The following LRRTM4 variants were observed in gnomAD, a reference collection of about 807,000 sequenced individuals.
LRRTM4 encodes leucine rich repeat transmembrane neuronal 4, also known as leucine-rich repeat transmembrane neuronal protein 4.
In LRRTM4, 25 loss-of-function variants were observed where a neutral mutation model predicts 47.6. The observed-to-expected ratio is 0.53, with a 90% CI of 0.38 to 0.73. The LOEUF (loss-of-function observed/expected upper bound fraction) is 0.73, where lower values mean the gene tolerates loss of function less well. Among genes scored for constraint, LRRTM4 ranks in the 30% least tolerant of loss-of-function variants. The pLI is 0.00. For missense variants in LRRTM4, 638 were observed against 713.4 expected (o/e 0.89, Z 1.20); for synonymous variants, 311 against 269.5 (o/e 1.15, Z -1.51).
At chr2:77,027,595 A>G (rs1678498751) in intron 3 of LRRTM4, among the ~76,000 whole-genome samples, 1 of 152,192 alleles carries the variant, frequency 6.6e-6, no homozygotes, top group Non-Finnish European at 1.5e-5. Flanking sequence ...CAATCCTACC[A>G]GTGTACTATC....
chr2:76,822,968 T>C (rs1397933545), intron 3 of LRRTM4, among the ~76,000 whole-genome samples: 1 of 151,394 alleles, frequency 6.6e-6, no homozygotes, highest in Non-Finnish European at 1.5e-5. Flanking sequence ...ACAAAACCTT[T>C]CTAAAATGTT....
At chr2:77,425,433 T>A (rs1558737589) in intron 3 of LRRTM4, among the ~76,000 whole-genome samples, 1 of 152,206 alleles carries the variant, frequency 6.6e-6, no homozygotes, top group Non-Finnish European at 1.5e-5. Flanking sequence ...TTAGCCTGGA[T>A]CTATATTTAC....
intron 3 of LRRTM4, among the ~76,000 whole-genome samples, chr2:77,310,641 A>G (rs572771529): frequency 2.6e-5 from 4 of 152,260 alleles, no homozygotes; most frequent in African/African-American, 7.2e-5. Context: ...TGCTCCTTCA[A>G]TCGAACATGA....
At chr2:77,461,145 G>C (rs1382049153) in intron 3 of LRRTM4, among the ~76,000 whole-genome samples, 3 of 150,202 alleles carry the variant, frequency 2.0e-5, no homozygotes, top group East Asian at 2.0e-4. Context: ...CAGTGAGAGA[G>C]AGAGAGAGAG....
chr2:76,789,292 A>T (rs1007451309), intron 3 of LRRTM4, among the ~76,000 whole-genome samples: 1 of 152,292 alleles, frequency 6.6e-6, no homozygotes, highest in East Asian at 1.9e-4. Flanking sequence ...AAAATGGCCA[A>T]GTAGGTGATA....
At chr2:77,423,259 A>ATT (rs1016334476) in intron 3 of LRRTM4, among the ~76,000 whole-genome samples, 1 of 151,222 alleles carries the variant, frequency 6.6e-6, no homozygotes, top group African/African-American at 2.4e-5. Context: ...TTTGCATGTA[A>ATT]TTTTTTTTTA....
intron 3 of LRRTM4, among the ~76,000 whole-genome samples, chr2:77,110,944 T>C (rs1292542337): frequency 1.3e-5 from 2 of 152,248 alleles, no homozygotes; most frequent in Non-Finnish European, 2.9e-5. Context: ...TTTGCTTTTG[T>C]ACTTAGAATA....
chr2:77,002,089 G>A (rs926494122), intron 3 of LRRTM4, among the ~76,000 whole-genome samples: 2 of 152,228 alleles, frequency 1.3e-5, no homozygotes, highest in South Asian at 2.1e-4. Context: ...ACATCATGAT[G>A]ACTTTGCAAA....
chr2:77,000,468 G>C (rs1483329290), intron 3 of LRRTM4, among the ~76,000 whole-genome samples: 2 of 152,160 alleles, frequency 1.3e-5, no homozygotes, highest in Non-Finnish European at 2.9e-5. Flanking sequence ...CTTGTCAGTT[G>C]TATCTACAAC....
At chr2:77,178,788 C>A (rs1290145911) in intron 3 of LRRTM4, among the ~76,000 whole-genome samples, 6 of 152,042 alleles carry the variant, frequency 3.9e-5, no homozygotes, top group African/African-American at 9.7e-5. Context: ...ACAGCAAGGT[C>A]TTAGTTATTT....
intron 3 of LRRTM4, among the ~76,000 whole-genome samples, chr2:76,915,055 T>C (rs1674197374): frequency 6.6e-6 from 1 of 152,234 alleles, no homozygotes; most frequent in African/African-American, 2.4e-5. Flanking sequence ...CAGAAAATTT[T>C]AGAAATCTTT....
At chr2:77,487,627 G>T (rs545602647) in intron 3 of LRRTM4, among the ~76,000 whole-genome samples, 1 of 152,262 alleles carries the variant, frequency 6.6e-6, no homozygotes, top group African/African-American at 2.4e-5. Flanking sequence ...GACAGACAGG[G>T]GCAGTTCCCC....
At chr2:77,323,765 C>T (rs1670646354) in intron 3 of LRRTM4, among the ~76,000 whole-genome samples, 2 of 152,066 alleles carry the variant, frequency 1.3e-5, no homozygotes, top group African/African-American at 2.4e-5. Flanking sequence ...TTGAACCTTC[C>T]ACCATGGATG....
At chr2:76,910,316 A>T (rs1055441843) in intron 3 of LRRTM4, among the ~76,000 whole-genome samples, 2 of 130,978 alleles carry the variant, frequency 1.5e-5, no homozygotes, top group African/African-American at 2.9e-5. Context: ...TGGACACAGG[A>T]AGGGGAACAT....
At chr2:76,786,971 A>AC (rs1674705940) in intron 3 of LRRTM4, among the ~76,000 whole-genome samples, 2 of 149,148 alleles carry the variant, frequency 1.3e-5, no homozygotes, top group Non-Finnish European at 3.0e-5. Context: ...ATTTACCTAC[A>AC]TTTTTTTTTT....
At chr2:77,089,548 C>G (rs1297617639) in intron 3 of LRRTM4, among the ~76,000 whole-genome samples, 1 of 151,800 alleles carries the variant, frequency 6.6e-6, no homozygotes, top group Non-Finnish European at 1.5e-5. Flanking sequence ...AACCCCTTTT[C>G]CCACTTTTCT....
At chr2:77,398,460 T>C (rs1465853573) in intron 3 of LRRTM4, among the ~76,000 whole-genome samples, 1 of 151,820 alleles carries the variant, frequency 6.6e-6, no homozygotes, top group African/African-American at 2.4e-5. Flanking sequence ...GATAAATATA[T>C]GAATATCTAC....
intron 3 of LRRTM4, among the ~76,000 whole-genome samples, chr2:76,914,286 G>T (rs528277032): frequency 7.0e-4 from 107 of 151,984 alleles, no homozygotes; most frequent in African/African-American, 2.5e-3. Context: ...CTATGGCTAT[G>T]TCATTTTTAA....
At chr2:77,329,176 A>G (rs976779296) in intron 3 of LRRTM4, among the ~76,000 whole-genome samples, 11 of 152,188 alleles carry the variant, frequency 7.2e-5, no homozygotes, top group Non-Finnish European at 1.2e-4. Flanking sequence ...ACTAGTTATA[A>G]TATACTCAGC....
Sources: gnomAD v4.1 joint callset for allele counts (sites outside exome capture counted in the v4.1 genomes callset) on GRCh38, gnomAD v4.1.1 for gene constraint, MANE v1.5 for transcripts, NCBI Gene and HGNC (gene_info 2026-07-23, HGNC 2026-07-21) for gene names.